Variants in ARID4A observed in about 807,000 individuals in gnomAD.
ARID4A encodes the protein AT-rich interactive domain-containing protein 4A.
Under a neutral mutation model 148.6 loss-of-function variants are expected in ARID4A, and 39 were observed. That is an observed-to-expected ratio of 0.26 (90% confidence interval 0.20 to 0.34). The LOEUF is 0.34. Ranked by LOEUF, ARID4A falls within the 10% of genes least tolerant of loss-of-function variation. The pLI is 1.00. For missense variants in ARID4A, 1,265 were observed against 1,449.1 expected, an observed-to-expected ratio of 0.87 and a Z score of 2.06; for synonymous variants, 475 against 481.2, an observed-to-expected ratio of 0.99 and a Z score of 0.17.
chr14:58,333,176 A>G (rs2033627767), intron 11 of ARID4A, among the ~76,000 whole-genome samples: 1 of 152,052 alleles, frequency 6.6e-6, no homozygotes, highest in Non-Finnish European at 1.5e-5. Context: ...ATCTATATTG[A>G]TTACTTTAAA....
intron 5 of ARID4A, among the ~76,000 whole-genome samples, chr14:58,307,079 A>T (rs2031664428): frequency 6.6e-6 from 1 of 152,202 alleles, no homozygotes. Context: ...TGTTGATGAG[A>T]ATAGCATTAA....
chr14:58,319,033 T>C (rs1247012927), intron 7 of ARID4A, among the ~76,000 whole-genome samples: 2 of 152,204 alleles, frequency 1.3e-5, no homozygotes, highest in Admixed American at 6.5e-5. Context: ...TAAGTTACTT[T>C]GCCGAAGTTT....
chr14:58,355,249 T>C (rs964480086), intron 17 of ARID4A, among the ~76,000 whole-genome samples: 18 of 152,218 alleles, frequency 1.2e-4, no homozygotes, highest in African/African-American at 3.9e-4. Context: ...GTCCCTCATC[T>C]CTACACTGGG....
At chr14:58,335,937 A>G (rs905658965) in intron 11 of ARID4A, among the ~76,000 whole-genome samples, 1 of 151,920 alleles carries the variant, frequency 6.6e-6, no homozygotes, top group Non-Finnish European at 1.5e-5. Context: ...TGCAATAACA[A>G]TAACAACTTA....
At chr14:58,350,213 A>T (rs1243914545) in intron 15 of ARID4A, among the ~76,000 whole-genome samples, 1 of 151,436 alleles carries the variant, frequency 6.6e-6, no homozygotes, top group Non-Finnish European at 1.5e-5. Flanking sequence ...GTGCTTTAAG[A>T]TAGAAAGAAA....
At chr14:58,318,827 A>G in intron 7 of ARID4A, 22 bp downstream of exon 7, 1 of 1,557,220 alleles carries the variant, frequency 6.4e-7, no homozygotes, top group Non-Finnish European at 8.8e-7. Flanking sequence ...CATATATGGT[A>G]TCATTTTAAT....
intron 19 of ARID4A, among the ~76,000 whole-genome samples, chr14:58,362,192 C>T (rs190251226): frequency 5.1e-4 from 77 of 152,280 alleles, no homozygotes; most frequent in Non-Finnish European, 9.0e-4. Flanking sequence ...ACACAGACTA[C>T]TGTGGTGCAG....
chr14:58,323,442 A>G, intron 7 of ARID4A, 43 bp from the exon 8 acceptor site: 2 of 1,581,626 alleles, frequency 1.3e-6, no homozygotes, highest in East Asian at 2.2e-5. Context: ...GTATCAAATA[A>G]TTGTTTGTGT....
chr14:58,305,114 C>A, intron 4 of ARID4A, 105 bp downstream of exon 4: 1 of 926,186 alleles, frequency 1.1e-6, no homozygotes, highest in Non-Finnish European at 1.6e-6. Flanking sequence ...GAACGTTAAT[C>A]AGAAAACAAT....
chr14:58,325,549 G>A (rs1283388123), intron 8 of ARID4A, among the ~76,000 whole-genome samples: 1 of 152,122 alleles, frequency 6.6e-6, no homozygotes, highest in Non-Finnish European at 1.5e-5. Flanking sequence ...CGAGGTGCTG[G>A]AATCACAGGT....
chr14:58,367,143 T>A, intron 23 of ARID4A, 114 bp downstream of exon 23: 1 of 826,004 alleles, frequency 1.2e-6, no homozygotes, highest in Non-Finnish European at 1.7e-6. Flanking sequence ...TTGCTGTTTT[T>A]AAATTCCTAG....
At chr14:58,358,857 T>C (rs879830807) in intron 17 of ARID4A, among the ~76,000 whole-genome samples, 1 of 152,254 alleles carries the variant, frequency 6.6e-6, no homozygotes, top group Non-Finnish European at 1.5e-5. Context: ...TCAGATTGTC[T>C]TGAATCTAGA....
At position 58,344,748 on chromosome 14, in the gene ARID4A, T is replaced by C. The variant is rs1386171079; in HGVS notation, c.960T>C (p.Tyr320=). Residue 320 remains tyrosine (Y), a synonymous_variant, in exon 12 of 24, where the codon TAT becomes TAC. Coordinates refer to ENST00000355431, the MANE Select transcript of ARID4A (RefSeq NM_002892.4). ...GGGACAACTTCCTCCAGCAGCTTTA[T>C]AAGTTTATGGAAGACAGAGGTATTT... ...EERDNFLQQL[Y]KFMEDRGTPI... is the part of the protein sequence containing the mutation. 6.2e-7 allele frequency: 1 copy of C among 1,612,756 alleles called. No individual in the cohort carries two copies. Among genetic ancestry groups the C allele is most frequent in the Non-Finnish European group, 8.5e-7 (1 of 1,179,122 alleles).
chr14:58,366,206 A>G lies in ARID4A; in HGVS notation c.3499A>G (p.Thr1167Ala). The G allele has an allele frequency of 6.2e-7, 1 of 1,613,702 alleles. No homozygotes were observed. Among genetic ancestry groups the G allele is most frequent in the Non-Finnish European group, 8.5e-7 (1 of 1,179,666 alleles). Reference sequence around the variant, plus strand: ...AAAACATCCGAATTCATCCCCTAGGACATATAAATGGAGCTTTCAGCTCAG... The same window carrying G: ...AAAACATCCGAATTCATCCCCTAGGGCATATAAATGGAGCTTTCAGCTCAG... Reference protein sequence around the residue: ...REKHPNSSPRTYKWSFQLNEL... With the variant: ...REKHPNSSPRAYKWSFQLNEL... The change falls in exon 22 of 24, where the codon ACA becomes GCA. Residue 1167 changes from threonine (T) to alanine (A), a missense_variant. Transcript: ENST00000355431.
Position 58,353,673 on chromosome 14 carries a change from C to A in ARID4A, c.1671C>A (p.Ser557Arg), listed in dbSNP as rs763626642. Reference sequence around the variant, plus strand: ...CTTACTGCAGGGAAGAAACTGAAAGCAAATGTGACTCTGAAGGAGAGGAAG... The same window carrying A: ...CTTACTGCAGGGAAGAAACTGAAAGAAAATGTGACTCTGAAGGAGAGGAAG... ...EKSQEREETE[S>R]KCDSEGEEDE... The change falls in exon 17 of 24, where the codon AGC becomes AGA. Residue 557 changes from serine to arginine, a missense_variant. Ser to Arg is a moderately radical substitution (Grantham distance 110). Coordinates refer to ENST00000355431, the MANE Select transcript of ARID4A (RefSeq NM_002892.4). The A allele has an allele frequency of 8.7e-6, 14 of 1,613,884 alleles. No individual in the cohort carries two copies. The highest frequency in any genetic ancestry group is 1.2e-5 in the Non-Finnish European group (14 of 1,179,908).
intron 1 of ARID4A, among the ~76,000 whole-genome samples, chr14:58,299,012 C>G (rs948139741): frequency 6.6e-6 from 1 of 152,174 alleles, no homozygotes; most frequent in African/African-American, 2.4e-5. Context: ...GGAGCCGTCC[C>G]CCAACTCCGC....
chr14:58,305,534 G>T (rs2140136371), intron 4 of ARID4A, among the ~76,000 whole-genome samples: 1 of 152,268 alleles, frequency 6.6e-6, no homozygotes, highest in African/African-American at 2.4e-5. Context: ...CTGAAAGAAG[G>T]TCAACTGGTC....
At chr14:58,312,932 A>G (rs937743422) in intron 5 of ARID4A, among the ~76,000 whole-genome samples, 3 of 152,226 alleles carry the variant, frequency 2.0e-5, no homozygotes, top group Admixed American at 2.0e-4. Context: ...TTATTTTACT[A>G]TCTTTCAGTA....
chr14:58,348,701 A>G (rs2034491111), intron 15 of ARID4A, among the ~76,000 whole-genome samples: 1 of 152,190 alleles, frequency 6.6e-6, no homozygotes, highest in South Asian at 2.1e-4. Context: ...TTTTTGGTGG[A>G]ATCATATTTA....
Sources: allele counts gnomAD v4.1 joint callset (sites outside exome capture counted in the v4.1 genomes callset), GRCh38; gene constraint gnomAD v4.1.1; transcripts MANE v1.5; gene names NCBI Gene and HGNC (gene_info 2026-07-23, HGNC 2026-07-21).